The following ATP10B variants were observed in gnomAD, a reference collection of about 807,000 sequenced individuals.
ATP10B encodes ATPase phospholipid transporting 10B (putative), also known as phospholipid-transporting ATPase VB.
Under a neutral mutation model 141.2 loss-of-function variants are expected in ATP10B, and 122 were observed. That is an observed-to-expected ratio of 0.86 (90% CI 0.75 to 1.00). The LOEUF (loss-of-function observed/expected upper bound fraction) is 1.00, where lower values mean the gene tolerates loss of function less well. Among genes scored for constraint, ATP10B ranks in the 50% least tolerant of loss-of-function variants. The probability of loss-of-function intolerance (pLI) is 0.00; values close to 1 mark genes in which losing one functional copy is unlikely to be tolerated. For synonymous variants in ATP10B, 685 were observed against 692.0 expected, an observed-to-expected ratio of 0.99 and a Z score of 0.16; for missense variants, 1,876 against 1,825.3, an observed-to-expected ratio of 1.03 and a Z score of -0.51.
chr5:160,576,866 C>T (rs866385067), intron 24 of ATP10B, among the ~76,000 whole-genome samples: 1 of 152,158 alleles, frequency 6.6e-6, no homozygotes, highest in African/African-American at 2.4e-5. Context: ...AGTTTGGACT[C>T]TGTCCTAAGA....
rs145617664 is a variant in ATP10B, at chr5:160,840,944, A to G, written c.-576+10997T>C. ...GGCAAAAAATTCAAAGCTTGATGAT[A>G]TATTTCGTTCATAGGGCTGTGGAAA... On this transcript the variant is annotated intron_variant, in intron 1 of 25. Transcript: ENST00000327245. 1.9e-3 allele frequency among the ~76,000 whole-genome samples: 290 copies of G among 152,302 alleles called. 1 individual carries two copies. Among genetic ancestry groups the G allele is most frequent in the African/African-American group, 6.6e-3 (276 of 41,576 alleles).
chr5:160,629,430 G>A (rs1011839814), intron 13 of ATP10B, among the ~76,000 whole-genome samples: 10 of 152,192 alleles, frequency 6.6e-5, no homozygotes, highest in Admixed American at 2.0e-4. Flanking sequence ...TGGGGTGATG[G>A]CCTGCTTATG....
At chr5:160,835,066 C>T (rs887558894) in intron 1 of ATP10B, among the ~76,000 whole-genome samples, 1 of 152,016 alleles carries the variant, frequency 6.6e-6, no homozygotes, top group Non-Finnish European at 1.5e-5. Flanking sequence ...TGAAGTTCCT[C>T]TGAACACATG....
intron 22 of ATP10B, among the ~76,000 whole-genome samples, chr5:160,597,079 A>G (rs1318331462): frequency 2.0e-5 from 3 of 152,224 alleles, no homozygotes; most frequent in South Asian, 2.1e-4. Flanking sequence ...AAGAGCCCGC[A>G]TTGCCAAGTC....
intron 1 of ATP10B, among the ~76,000 whole-genome samples, chr5:160,788,737 C>T (rs1010800537): frequency 1.3e-5 from 2 of 152,118 alleles, no homozygotes; most frequent in African/African-American, 2.4e-5. Context: ...TAGTGAATAG[C>T]TACAGTGGGT....
chr5:160,746,809 A>G (rs1767836916), intron 2 of ATP10B, among the ~76,000 whole-genome samples: 1 of 152,162 alleles, frequency 6.6e-6, no homozygotes, highest in Admixed American at 6.5e-5. Context: ...ACTCTATTGG[A>G]TGATTAAGAC....
At chr5:160,773,194 G>A (rs1302797216) in intron 2 of ATP10B, among the ~76,000 whole-genome samples, 1 of 152,188 alleles carries the variant, frequency 6.6e-6, no homozygotes, top group Non-Finnish European at 1.5e-5. Flanking sequence ...ATCACCTGAG[G>A]AGTTTTGAAA....
chr5:160,716,383 A>G (rs1439690151), intron 3 of ATP10B, among the ~76,000 whole-genome samples: 1 of 152,186 alleles, frequency 6.6e-6, no homozygotes, highest in Admixed American at 6.5e-5. Flanking sequence ...GATGGGGGGT[A>G]CTATTAGCAT....
At position 160,652,912 on chromosome 5, in the gene ATP10B, TGTATATATAATATATTATATATACA is replaced by T. The variant is rs1216849140; in HGVS notation, c.676-3681_676-3657del. Among the ~76,000 whole-genome samples, 36 of 68,052 alleles carry T rather than the reference TGTATATATAATATATTATATATACA, an allele frequency of 5.3e-4. 1 individual carries two copies. The East Asian group carries it at 0.014, about 26-fold the overall frequency. 44.6% of individuals were successfully genotyped at this position (68,052 alleles called of 152,430 possible). A position where few individuals can be genotyped will look rare whatever the true frequency, so the allele number is the denominator to read the frequency against. ...AATTATATAATATATTATATATACA[TGTATATATAATATATTATATATACA>T]TGTATATATAATATATTATATATAC... On this transcript the variant is annotated intron_variant, in intron 7 of 25. Coordinates refer to ENST00000327245, the MANE Select transcript of ATP10B (RefSeq NM_025153.3).
intron 1 of ATP10B, among the ~76,000 whole-genome samples, chr5:160,790,506 C>A (rs924539097): frequency 4.6e-5 from 7 of 152,120 alleles, no homozygotes; most frequent in African/African-American, 1.7e-4. Context: ...AGTTGGTGCA[C>A]AACTCCCAAG....
chr5:160,669,918 T>TAAAAAAAAAAGAAAAA (rs1762568928), intron 7 of ATP10B, among the ~76,000 whole-genome samples: 1 of 89,662 alleles, frequency 1.1e-5, no homozygotes, highest in Non-Finnish European at 2.0e-5. Flanking sequence ...CCCAGTCTCT[T>TAAAAAAAAAAGAAAAA]AAAAAAAAAA....
At chr5:160,873,064 A>G in the ATP10B span, among the ~76,000 whole-genome samples, 1 of 144,980 alleles carries the variant, frequency 6.9e-6, no homozygotes, top group Non-Finnish European at 1.5e-5. Flanking sequence ...AGTGTTTTGT[A>G]GTTTTTCTTG....
the ATP10B span, among the ~76,000 whole-genome samples, chr5:160,894,242 TAAC>T: frequency 1.3e-5 from 2 of 151,978 alleles, no homozygotes; most frequent in South Asian, 2.1e-4. Context: ...AGGTGGGTAA[TAAC>T]AAACTCCTCC....
chr5:160,640,356 T>C, intron 10 of ATP10B, 105 bp downstream of exon 10: 1 of 1,330,648 alleles, frequency 7.5e-7, no homozygotes, highest in Non-Finnish European at 1.0e-6. Context: ...GTGGGCAGGG[T>C]AGGCTTTACA....
At chr5:160,851,328 T>G (rs1467481387) in intron 1 of ATP10B, among the ~76,000 whole-genome samples, 2 of 152,192 alleles carry the variant, frequency 1.3e-5, no homozygotes, top group African/African-American at 2.4e-5. Context: ...GCCACAGGAC[T>G]GTCCTAAATG....
At chr5:160,873,187 G>C in the ATP10B span, among the ~76,000 whole-genome samples, 1 of 147,512 alleles carries the variant, frequency 6.8e-6, no homozygotes, top group Admixed American at 6.8e-5. Context: ...GCGGTCTCTT[G>C]TTTTGGTTTC....
At chr5:160,591,262 G>C (rs1756276062) in intron 22 of ATP10B, 123 bp from the exon 23 acceptor site, 1 of 710,622 alleles carries the variant, frequency 1.4e-6, no homozygotes, top group South Asian at 1.9e-5. Context: ...TTGTATTTGT[G>C]GTAGTAGAAT....
chr5:160,565,472 TG>T lies in ATP10B; in HGVS notation c.4366del (p.Gln1456ArgfsTer4). 6.2e-7 allele frequency: 1 copy of T among 1,614,096 alleles called. No individual in the cohort carries two copies. Among genetic ancestry groups the T allele is most frequent in the Non-Finnish European group, 8.5e-7 (1 of 1,179,954 alleles). On this transcript the variant is annotated frameshift_variant, in exon 26 of 26. Transcript: ENST00000327245. LOFTEE classifies it high-confidence loss of function. ...AGCTCCTCATATGGTCAGTGAACTC[TG>T]GGATCGGCGATGGCTGCTCCTCTTT... Reference protein sequence around the residue: ...CSKRSSHRRSQSSLTI With the variant: ...CSKRSSHRRSXSSLTI
the ATP10B span, among the ~76,000 whole-genome samples, chr5:160,887,062 T>C: frequency 6.6e-6 from 1 of 152,294 alleles, no homozygotes; most frequent in South Asian, 2.1e-4. Context: ...ATGAAAAGCA[T>C]TTTGCAAACT....
Sources: gnomAD v4.1 joint callset for allele counts (sites outside exome capture counted in the v4.1 genomes callset) on GRCh38, gnomAD v4.1.1 for gene constraint, MANE v1.5 for transcripts, NCBI Gene and HGNC (gene_info 2026-07-23, HGNC 2026-07-21) for gene names.